APOBEC1: variants seen among roughly 807,000 people sequenced by gnomAD.
The protein encoded by APOBEC1 is apolipoprotein B mRNA editing enzyme catalytic subunit 1.
A neutral mutation model predicts 26.3 loss-of-function variants in APOBEC1; 22 were observed. That is an observed-to-expected ratio of 0.84 (90% CI 0.60 to 1.19). APOBEC1 has a LOEUF of 1.19. APOBEC1 is among the 50% of genes most tolerant of loss of function. The pLI, the probability that APOBEC1 is intolerant of heterozygous loss-of-function variation, is 0.00. For missense variants in APOBEC1, 253 were observed against 289.0 expected (o/e 0.88, Z 0.90); for synonymous variants, 77 against 95.3 (o/e 0.81, Z 1.12).
intron 1 of APOBEC1, among the ~76,000 whole-genome samples, chr12:7,657,945 T>C (rs1442989321): frequency 6.6e-6 from 1 of 152,168 alleles, no homozygotes; most frequent in Non-Finnish European, 1.5e-5. Context: ...AACTATTTCC[T>C]GGAAAAGAAT....
intron 1 of APOBEC1, among the ~76,000 whole-genome samples, chr12:7,661,676 A>G (rs1221718271): frequency 1.3e-5 from 2 of 152,214 alleles, no homozygotes; most frequent in African/African-American, 2.4e-5. Flanking sequence ...CCAGGCTCCA[A>G]CTGGAGCCAA....
chr12:7,660,353 A>AAGGAAGGAAGGG (rs1863791736), intron 1 of APOBEC1, among the ~76,000 whole-genome samples: 1 of 43,174 alleles, frequency 2.3e-5, no homozygotes. Context: ...GGAAGGAAGG[A>AAGGAAGGAAGGG]AGGAAGGAAG....
At chr12:7,667,433 C>T (rs1434301991), upstream of APOBEC1, among the ~76,000 whole-genome samples, 2 of 152,112 alleles carry the variant, frequency 1.3e-5, no homozygotes, top group Non-Finnish European at 2.9e-5. Flanking sequence ...GAACCTGAAA[C>T]CCGAATCCTA....
At chr12:7,668,955 C>T (rs900353731), upstream of APOBEC1, among the ~76,000 whole-genome samples, 2 of 152,108 alleles carry the variant, frequency 1.3e-5, no homozygotes, top group Admixed American at 6.6e-5. Context: ...TGGTCTCGAA[C>T]TCCTGACCTC....
chr12:7,666,384 C>T (rs1189009093), upstream of APOBEC1, among the ~76,000 whole-genome samples: 3 of 151,924 alleles, frequency 2.0e-5, no homozygotes, highest in Admixed American at 6.6e-5. Context: ...ACCTCTGCCT[C>T]CCAGGTTCAA....
chr12:7,654,197 A>G lies in APOBEC1; in HGVS notation c.44+408T>C, dbSNP rs752937934. 9.8e-5 allele frequency among the ~76,000 whole-genome samples: 15 copies of G among 152,350 alleles called. No individual in the cohort carries two copies. In the South Asian group the frequency reaches 2.7e-3, roughly 27 times the overall value. ...AAAAAAAGAAGAGAAATTGTAAGAC[A>G]ATAACAGATAAGCAAGCTAGAAAAT... On this transcript the variant is annotated intron_variant, in intron 2 of 4. Coordinates refer to ENST00000229304, the MANE Select transcript of APOBEC1 (RefSeq NM_001644.5).
At chr12:7,659,322 A>AAAATATATATATAT (rs1555094633) in intron 1 of APOBEC1, among the ~76,000 whole-genome samples, 1 of 46,280 alleles carries the variant, frequency 2.2e-5, no homozygotes, top group African/African-American at 1.3e-4. Flanking sequence ...AAAAAAAAAA[A>AAAATATATATATAT]ATATATATAT....
At chr12:7,664,729 A>G (rs1863868061) in intron 1 of APOBEC1, among the ~76,000 whole-genome samples, 1 of 151,888 alleles carries the variant, frequency 6.6e-6, no homozygotes, top group Non-Finnish European at 1.5e-5. Context: ...AGCCTGAGCA[A>G]TAAAGCAAGA....
At chr12:7,658,934 C>T (rs1166748711) in intron 1 of APOBEC1, among the ~76,000 whole-genome samples, 3 of 135,272 alleles carry the variant, frequency 2.2e-5, no homozygotes, top group East Asian at 2.1e-4. Flanking sequence ...GCCTGGGCAA[C>T]GAGAGCAAAA....
chr12:7,655,816 C>A (rs1842794337), intron 1 of APOBEC1, among the ~76,000 whole-genome samples: 2 of 152,118 alleles, frequency 1.3e-5, no homozygotes, highest in Non-Finnish European at 2.9e-5. Flanking sequence ...CAGTGAGACC[C>A]CATTCCTACA....
At chr12:7,650,854 G>A (rs184080234) in intron 4 of APOBEC1, among the ~76,000 whole-genome samples, 169 bp downstream of exon 4, 4 of 152,346 alleles carry the variant, frequency 2.6e-5, no homozygotes, top group African/African-American at 7.2e-5. Context: ...CTACAAGTGT[G>A]CACCACCATA....
chr12:7,660,375 G>GAGAGAAAGAAAGAAAGAAA (rs1555094887), intron 1 of APOBEC1, among the ~76,000 whole-genome samples: 1 of 23,950 alleles, frequency 4.2e-5, no homozygotes. Flanking sequence ...AAGGAAGGAA[G>GAGAGAAAGAAAGAAAGAAA]GAAAGAAAGA....
In APOBEC1 at chr12:7,654,129, G is replaced by T. The variant is rs116296890; in HGVS notation, c.44+476C>A. On this transcript the variant is annotated intron_variant, in intron 2 of 4. Coordinates refer to ENST00000229304, the MANE Select transcript of APOBEC1 (RefSeq NM_001644.5). The stretch of plus-strand genomic sequence containing the variant: ...AAGATGAAGTTAAAGTGACAAATGA[G>T]TTTCCCAGGTATTTCACTAATGGCT... Among the ~76,000 whole-genome samples the T allele has an allele frequency of 1.3e-3, 203 of 152,166 alleles. 2 individuals are homozygous for T. The highest frequency in any genetic ancestry group is 4.6e-3 in the African/African-American group (192 of 41,510).
intron 1 of APOBEC1, among the ~76,000 whole-genome samples, chr12:7,664,733 A>T (rs997480723): frequency 6.6e-6 from 1 of 151,814 alleles, no homozygotes. Context: ...TGAGCAATAA[A>T]GCAAGACCTC....
upstream of APOBEC1, chr12:7,666,035 G>T (rs1863888690): frequency 1.1e-5 from 8 of 761,360 alleles, no homozygotes; most frequent in South Asian, 1.1e-4. Flanking sequence ...TACAAACAGG[G>T]GGCCGACTGA....
At chr12:7,662,812 CTTG>C (rs1863838527) in intron 1 of APOBEC1, among the ~76,000 whole-genome samples, 2 of 152,126 alleles carry the variant, frequency 1.3e-5, no homozygotes, top group Admixed American at 1.3e-4. Context: ...TGGACCTTGA[CTTG>C]TTCAAGGAAG....
At chr12:7,655,890 G>A (rs1863708004) in intron 1 of APOBEC1, among the ~76,000 whole-genome samples, 1 of 152,180 alleles carries the variant, frequency 6.6e-6, no homozygotes, top group Non-Finnish European at 1.5e-5. Context: ...TGAGGAGGGA[G>A]GATCACTAGA....
At chr12:7,660,420 ATTT>A in intron 1 of APOBEC1, among the ~76,000 whole-genome samples, 1 of 77,732 alleles carries the variant, frequency 1.3e-5, no homozygotes, top group African/African-American at 4.8e-5. Context: ...AAGAGAGGGT[ATTT>A]GGGCCAGGGA....
In APOBEC1 at chr12:7,652,760, G is replaced by A. The variant is rs778882942; in HGVS notation, c.120C>T (p.Tyr40=). 8.7e-6 allele frequency: 14 copies of A among 1,613,982 alleles called. No individual in the cohort carries two copies. The highest frequency in any genetic ancestry group is 2.7e-5 in the African/African-American group (2 of 75,038). ...RELRKEACLL[Y]EIKWGMSRKI... is the part of the protein sequence containing the mutation. Reference sequence around the variant, plus strand: ...TCCGGCTCATGCCCCACTTGATTTCGTAGAGCAGACAGGCCTCTTTACGAA... The same window carrying A: ...TCCGGCTCATGCCCCACTTGATTTCATAGAGCAGACAGGCCTCTTTACGAA... The change falls in exon 3 of 5, where the codon TAC becomes TAT. Residue 40 remains tyrosine (Y), a synonymous_variant. Transcript: ENST00000229304.
Sources: gnomAD v4.1 joint callset for allele counts (sites outside exome capture counted in the v4.1 genomes callset) on GRCh38, gnomAD v4.1.1 for gene constraint, MANE v1.5 for transcripts, NCBI Gene and HGNC (gene_info 2026-07-23, HGNC 2026-07-21) for gene names.